The following DNAH10 variants were observed in gnomAD, a reference collection of about 807,000 sequenced individuals.
DNAH10 encodes the protein dynein axonemal heavy chain 10.
In DNAH10, 348 loss-of-function variants were observed where a neutral mutation model predicts 506.6. The observed-to-expected ratio is 0.69, with a 90% CI of 0.63 to 0.75. The LOEUF is 0.75. Among genes scored for constraint, DNAH10 ranks in the 30% least tolerant of loss-of-function variants. The pLI is 0.00. For missense variants in DNAH10, 5,179 were observed against 5,787.1 expected (o/e 0.89, Z 3.41); for synonymous variants, 2,059 against 2,198.6 (o/e 0.94, Z 1.78).
At chr12:123,855,507 T>G (rs1565999303) in intron 36 of DNAH10, among the ~76,000 whole-genome samples, 1 of 151,618 alleles carries the variant, frequency 6.6e-6, no homozygotes, top group Non-Finnish European at 1.5e-5. Context: ...GGTGGCACAC[T>G]TCTATAGTCC....
intron 18 of DNAH10, among the ~76,000 whole-genome samples, chr12:123,806,479 C>T (rs1031986317): frequency 2.0e-5 from 3 of 152,166 alleles, no homozygotes; most frequent in East Asian, 1.9e-4. Flanking sequence ...GTGTCTTCTT[C>T]GTTCCTTACT....
chr12:123,893,663 C>T (rs756663573), intron 53 of DNAH10, among the ~76,000 whole-genome samples: 1 of 152,238 alleles, frequency 6.6e-6, no homozygotes, highest in Non-Finnish European at 1.5e-5. Context: ...CTCCTCCATG[C>T]GAGGCCCGCA....
intron 36 of DNAH10, among the ~76,000 whole-genome samples, chr12:123,854,098 C>G (rs535475888): frequency 1.2e-5 from 1 of 86,338 alleles, no homozygotes; most frequent in Non-Finnish European, 2.3e-5. Context: ...TTGGAGGGGT[C>G]GAAGGAAGAG....
intron 35 of DNAH10, among the ~76,000 whole-genome samples, chr12:123,851,628 C>T (rs745800361): frequency 9.2e-5 from 14 of 152,232 alleles, no homozygotes; most frequent in African/African-American, 2.4e-5. Flanking sequence ...GGCACAAGTG[C>T]CATTAACTCA....
chr12:123,788,924 CA>C (rs1200548876), intron 10 of DNAH10, among the ~76,000 whole-genome samples: 2,497 of 66,588 alleles, frequency 0.037, 23 homozygotes, highest in African/African-American at 0.063. Context: ...GACCTTGCTT[CA>C]AAAAAAAAAA....
At position 123,919,626 on chromosome 12, in the gene DNAH10, C is replaced by G. The variant is rs1347537899; in HGVS notation, c.11506+677C>G. Reference sequence around the variant, plus strand: ...CATTAGCAGTCACCCCCTGGCCCCCCACTCCTAGTCCCTGGCAGTCACCGC... The same window carrying G: ...CATTAGCAGTCACCCCCTGGCCCCCGACTCCTAGTCCCTGGCAGTCACCGC... On this transcript the variant is annotated intron_variant, in intron 65 of 78. Coordinates refer to ENST00000673944, the MANE Select transcript of DNAH10 (RefSeq NM_001372106.1). The surrounding 1 kb of genome is among the most constrained non-coding windows in gnomAD (Gnocchi z 4.9). Among the ~76,000 whole-genome samples, 3 of 152,202 alleles carry G rather than the reference C, an allele frequency of 2.0e-5. No homozygotes were observed. Among genetic ancestry groups the G allele is most frequent in the African/African-American group, 4.8e-5 (2 of 41,426 alleles).
At position 123,767,620 on chromosome 12, in the gene DNAH10, C is replaced by G; in HGVS notation, c.229C>G (p.Leu77Val). Reference protein sequence around the residue: ...VEVEIDEIPVLSEEGEEEEET... With the variant: ...VEVEIDEIPVVSEEGEEEEET... ...TGGCCATAAAGATGAGATACCTGTC[C>G]TGTCTGAAGAGGGAGAAGAGGAAGA... Residue 77 changes from leucine (L) to valine (V), a missense_variant, in exon 2 of 79, where the codon CTG (leucine) becomes GTG (valine). By Grantham distance (32) the Leu-to-Val change is conservative (BLOSUM62 1). This residue lies in a region of DNAH10 where 326 missense variants were observed against 330.8 expected (regional missense o/e 0.99). Transcript: ENST00000673944. 1 of 1,612,550 alleles carries G rather than the reference C, an allele frequency of 6.2e-7. No homozygotes were observed. The highest frequency in any genetic ancestry group is 8.5e-7 in the Non-Finnish European group (1 of 1,179,194).
In DNAH10 at chr12:123,805,749, A is replaced by C. The variant is rs910597743; in HGVS notation, c.2987+709A>C. Among the ~76,000 whole-genome samples the C allele has an allele frequency of 5.8e-4, 88 of 150,708 alleles. 1 individual carries two copies. The highest frequency in any genetic ancestry group is 9.7e-4 in the Non-Finnish European group (66 of 67,784). ...TGACTCTAGTTCCTTCTTTGACCCCAGCCTCACATTTTTCTCTTCTTTTCT... is the reference window on the plus strand; with the variant it reads ...TGACTCTAGTTCCTTCTTTGACCCCCGCCTCACATTTTTCTCTTCTTTTCT... On this transcript the variant is annotated intron_variant, in intron 18 of 78. Transcript: ENST00000673944.
chr12:123,766,679 C>A (rs563586041), intron 1 of DNAH10, among the ~76,000 whole-genome samples: 1 of 152,024 alleles, frequency 6.6e-6, no homozygotes, highest in Admixed American at 6.6e-5. Flanking sequence ...GCATCTGTAA[C>A]AAGTGTGGTC....
At chr12:123,835,348 T>A in intron 27 of DNAH10, 58 bp from the exon 28 acceptor site, 1 of 1,581,768 alleles carries the variant, frequency 6.3e-7, no homozygotes, top group Non-Finnish European at 8.6e-7. Flanking sequence ...GGCTTTGCCA[T>A]CCACTTTTGG....
In DNAH10 at chr12:123,926,579, G is replaced by C; in HGVS notation, c.11922-58G>C. 6.4e-7 allele frequency: 1 copy of C among 1,572,000 alleles called. No individual in the cohort carries two copies. Among genetic ancestry groups the C allele is most frequent in the Non-Finnish European group, 8.6e-7 (1 of 1,157,722 alleles). ...GAGGCAGCGCTGATCAGACAGACCA[G>C]CCCCTGGTCTGGAGCTGTCCTCGCG... is the stretch of plus-strand genomic sequence containing the variant. On this transcript the variant is annotated intron_variant, in intron 68 of 78. Transcript: ENST00000673944. The surrounding 1 kb of genome is among the most constrained non-coding windows in gnomAD (Gnocchi z 4.1).
At chr12:123,876,959 C>CA (rs1042654447) in intron 47 of DNAH10, among the ~76,000 whole-genome samples, 2 of 151,872 alleles carry the variant, frequency 1.3e-5, no homozygotes, top group African/African-American at 4.8e-5. Context: ...GACCCCATCT[C>CA]AAAAAAAATT....
chr12:123,929,659 T>G lies in DNAH10; in HGVS notation c.12517-5T>G, dbSNP rs757122969. 2.0e-5 allele frequency: 32 copies of G among 1,611,956 alleles called. No homozygotes were observed. In the South Asian group the frequency reaches 3.3e-4, roughly 17 times the overall value. On this transcript the variant is annotated splice_region_variant and splice_polypyrimidine_tract_variant and intron_variant, in intron 71 of 78. Coordinates refer to ENST00000673944, the MANE Select transcript of DNAH10 (RefSeq NM_001372106.1). ...GTATAACTGAGCGTGTTCTCTTCTTTCAAGGTCTGCATGGAAATTCTGAAC... is the reference window on the plus strand; with the variant it reads ...GTATAACTGAGCGTGTTCTCTTCTTGCAAGGTCTGCATGGAAATTCTGAAC...
intron 35 of DNAH10, among the ~76,000 whole-genome samples, chr12:123,852,562 A>G (rs1348374033): frequency 6.6e-6 from 1 of 151,730 alleles, no homozygotes; most frequent in East Asian, 1.9e-4. Flanking sequence ...CTTGTCCTCA[A>G]AGACATTTAC....
At chr12:123,805,479 C>T (rs910564919) in intron 18 of DNAH10, among the ~76,000 whole-genome samples, 3 of 152,224 alleles carry the variant, frequency 2.0e-5, no homozygotes, top group African/African-American at 7.2e-5. Context: ...ACACGCCAGA[C>T]TCTGTCCCTT....
Position 123,879,630 on chromosome 12 carries a change from C to A in DNAH10, c.8467-4C>A, listed in dbSNP as rs1952413405. On this transcript the variant is annotated splice_region_variant and splice_polypyrimidine_tract_variant and intron_variant, in intron 49 of 78. Transcript: ENST00000673944. ...TGGGTCCTTAAGTGGGCTTCTGTTT[C>A]AAGGTACAACAGCACATAGGCAGCT... The A allele has an allele frequency of 6.2e-7, 1 of 1,613,856 alleles. No homozygotes were observed. Among genetic ancestry groups the A allele is most frequent in the Non-Finnish European group, 8.5e-7 (1 of 1,179,814 alleles).
intron 52 of DNAH10, among the ~76,000 whole-genome samples, chr12:123,889,443 C>T (rs1194022518): frequency 6.6e-6 from 1 of 152,144 alleles, no homozygotes; most frequent in Non-Finnish European, 1.5e-5. Context: ...TTATTCCAGA[C>T]ACTGGGTTTG....
At chr12:123,876,668 A>C (rs1359061906) in intron 47 of DNAH10, among the ~76,000 whole-genome samples, 1 of 151,880 alleles carries the variant, frequency 6.6e-6, no homozygotes, top group Non-Finnish European at 1.5e-5. Context: ...ATAAGTAGTA[A>C]AATTCACATA....
intron 1 of DNAH10, among the ~76,000 whole-genome samples, chr12:123,765,426 A>AAGCCCCAG (rs1187872792): frequency 5.3e-5 from 8 of 152,172 alleles, no homozygotes; most frequent in Admixed American, 5.2e-4. Context: ...TCCTGCTCTT[A>AAGCCCCAG]TTCCTAGGGG....
Sources: allele counts gnomAD v4.1 joint callset (sites outside exome capture counted in the v4.1 genomes callset), GRCh38; gene constraint gnomAD v4.1.1; regional missense constraint gnomAD v4.1.1; non-coding constraint Gnocchi (gnomAD v3.1); transcripts MANE v1.5; gene names NCBI Gene and HGNC (gene_info 2026-07-23, HGNC 2026-07-21).